Variants in ELP3 observed in about 807,000 individuals in gnomAD.
The protein encoded by ELP3 is elongator acetyltransferase complex subunit 3.
In ELP3, 56 loss-of-function variants were observed where a neutral mutation model predicts 74.9. The ratio of observed to expected loss-of-function variants is 0.75; its 90% confidence interval spans 0.60 to 0.93. The LOEUF (loss-of-function observed/expected upper bound fraction) is 0.93. ELP3 is among the 40% of genes least tolerant of loss of function. The pLI is 0.00. For missense variants in ELP3, 573 were observed against 686.5 expected, an observed-to-expected ratio of 0.83 and a Z score of 1.85; for synonymous variants, 222 against 239.8, an observed-to-expected ratio of 0.93 and a Z score of 0.68.
rs1813462823 is a variant in ELP3 at position 28,147,060 on chromosome 8, T to C, written c.1101-8882T>C. ...TCACCGTCTTGAAATTATTAATAATTTTTTTCACAAGGACTCATGTTCTCA... is the reference window on the plus strand; with the variant it reads ...TCACCGTCTTGAAATTATTAATAATCTTTTTCACAAGGACTCATGTTCTCA... On this transcript the variant is annotated intron_variant, in intron 10 of 14. Transcript: ENST00000256398. The surrounding 1 kb of genome is among the most constrained non-coding windows in gnomAD (Gnocchi z 4.5). 6.6e-6 allele frequency among the ~76,000 whole-genome samples: 1 copy of C among 152,138 alleles called. No individual in the cohort carries two copies. Among genetic ancestry groups the C allele is most frequent in the Non-Finnish European group, 1.5e-5 (1 of 68,038 alleles).
chr8:28,108,457 C>CTT lies in ELP3; in HGVS notation c.393+498_393+499dup, dbSNP rs33948469. ...TCTTCTGGAATTTACATTTTTTTTTCTTTTTTTTTTTTTTTTTTGAGATGG... is the reference window on the plus strand; with the variant it reads ...TCTTCTGGAATTTACATTTTTTTTTCTTTTTTTTTTTTTTTTTTTTGAGATGG... On this transcript the variant is annotated intron_variant, in intron 5 of 14. Coordinates refer to ENST00000256398, the MANE Select transcript of ELP3 (RefSeq NM_018091.6). 7.7e-3 allele frequency among the ~76,000 whole-genome samples: 907 copies of CTT among 117,534 alleles called. 20 individuals carry two copies. The highest frequency in any genetic ancestry group is 0.013 in the East Asian group (55 of 4,090). 77.1% of individuals were successfully genotyped at this position (117,534 alleles called of 152,430 possible). A position where few individuals can be genotyped will look rare whatever the true frequency, so the allele number is the denominator to read the frequency against.
chr8:28,183,978 A>ATGAT (rs769142366), intron 14 of ELP3, among the ~76,000 whole-genome samples: 1 of 152,140 alleles, frequency 6.6e-6, no homozygotes, highest in Non-Finnish European at 1.5e-5. Flanking sequence ...GCTCTGAAGG[A>ATGAT]TGATTGCTTT....
At chr8:28,103,602 C>T (rs1811575505) in intron 3 of ELP3, among the ~76,000 whole-genome samples, 1 of 152,222 alleles carries the variant, frequency 6.6e-6, no homozygotes, top group Non-Finnish European at 1.5e-5. Flanking sequence ...GACTATGTTT[C>T]ACTTTGTAAA....
intron 14 of ELP3, among the ~76,000 whole-genome samples, chr8:28,179,168 G>A (rs1814891310): frequency 1.3e-5 from 2 of 152,142 alleles, no homozygotes; most frequent in African/African-American, 4.8e-5. Flanking sequence ...GCAGATTTTG[G>A]TATATAAGGG....
chr8:28,175,019 T>A (rs1814685820), intron 14 of ELP3, among the ~76,000 whole-genome samples: 2 of 152,224 alleles, frequency 1.3e-5, no homozygotes, highest in African/African-American at 4.8e-5. Flanking sequence ...GTTAGTCTAA[T>A]TGAGGATTCC....
In ELP3 at chr8:28,160,324, A is replaced by T. The variant is rs758381358; in HGVS notation, c.1353A>T (p.Leu451=). The change falls in exon 13 of 15, where the codon CTA becomes CTT. Residue 451 remains leucine, a synonymous_variant. Transcript: ENST00000256398. ...DPDQDILIGL[L]RLRKCSEETF... ...ATCAAGACATTTTGATTGGCCTCCT[A>T]CGATTACGCAAGTGTTCAGAAGAAA... The T allele has an allele frequency of 9.9e-6, 16 of 1,614,050 alleles. No homozygotes were observed. The East Asian group carries it at 3.3e-4, about 34-fold the overall frequency.
chr8:28,139,916 A>G (rs7830851), intron 10 of ELP3, among the ~76,000 whole-genome samples: 82,528 of 151,976 alleles, frequency 0.54, 22,994 homozygotes, highest in East Asian at 0.89. Context: ...TTGCATTCCA[A>G]CCTGGGTGAC....
At chr8:28,138,271 TGAAA>T (rs757625080) in intron 10 of ELP3, among the ~76,000 whole-genome samples, 1 of 152,138 alleles carries the variant, frequency 6.6e-6, no homozygotes, top group Non-Finnish European at 1.5e-5. Context: ...CTAGAGCCTC[TGAAA>T]GAAAAAGTAG....
intron 6 of ELP3, chr8:28,110,911 T>G (rs1811892436): frequency 6.3e-6 from 1 of 158,292 alleles, no homozygotes; most frequent in Admixed American, 6.4e-5. Flanking sequence ...CAAAACCCCA[T>G]CTACAAAAAA....
At chr8:28,099,534 T>C (rs1218983821) in intron 2 of ELP3, among the ~76,000 whole-genome samples, 1 of 152,180 alleles carries the variant, frequency 6.6e-6, no homozygotes, top group Non-Finnish European at 1.5e-5. Flanking sequence ...GAATAGTCCT[T>C]TGAAGCTGCA....
intron 3 of ELP3, among the ~76,000 whole-genome samples, chr8:28,105,385 G>A (rs562794877): frequency 2.6e-5 from 4 of 152,266 alleles, no homozygotes; most frequent in South Asian, 2.1e-4. Flanking sequence ...GTGAGACTCC[G>A]TCTCAAAAAG....
intron 14 of ELP3, among the ~76,000 whole-genome samples, chr8:28,169,362 A>G (rs1009793466): frequency 6.6e-6 from 1 of 152,240 alleles, no homozygotes; most frequent in Non-Finnish European, 1.5e-5. Context: ...TCAGAAATTC[A>G]GCAGGGCATA....
In ELP3 at chr8:28,160,404, A is replaced by G. The variant is rs1376424755; in HGVS notation, c.1433A>G (p.Tyr478Cys). The change falls in exon 13 of 15, where the codon TAT becomes TGT. Residue 478 changes from tyrosine (Y) to cysteine (C), a missense_variant. By Grantham distance (194) the Tyr-to-Cys change is radical. Coordinates refer to ENST00000256398, the MANE Select transcript of ELP3 (RefSeq NM_018091.6). ...TCCATAGTACGAGAGCTGCATGTGT[A>G]TGGGAGTGTGGTCCCTGTGAGCAGC... ...GVSIVRELHV[Y>C]GSVVPVSSRD... 1.2e-6 allele frequency: 2 copies of G among 1,614,148 alleles called. No individual in the cohort carries two copies. The highest frequency in any genetic ancestry group is 1.7e-6 in the Non-Finnish European group (2 of 1,180,004).
At chr8:28,109,248 G>A (rs1010945561) in intron 5 of ELP3, among the ~76,000 whole-genome samples, 2 of 152,124 alleles carry the variant, frequency 1.3e-5, no homozygotes, top group Admixed American at 1.3e-4. Flanking sequence ...AAGGCAGAAG[G>A]CCAGTGAGGT....
chr8:28,103,365 G>A (rs766269919), intron 3 of ELP3, among the ~76,000 whole-genome samples: 1 of 152,100 alleles, frequency 6.6e-6, no homozygotes, highest in South Asian at 2.1e-4. Context: ...AGTCTGCCAT[G>A]TCTTTTTGTG....
upstream of ELP3, chr8:28,093,047 A>G (rs112259775): frequency 8.8e-7 from 1 of 1,131,092 alleles, no homozygotes; most frequent in African/African-American, 1.5e-5. Flanking sequence ...TAGTTGCAAC[A>G]CGGGGCGGGG....
intron 14 of ELP3, among the ~76,000 whole-genome samples, chr8:28,172,658 C>T (rs533902942): frequency 5.7e-4 from 86 of 151,976 alleles, no homozygotes; most frequent in Admixed American, 1.6e-3. Context: ...TTGCCTAATT[C>T]CTCTGGCTAG....
intron 7 of ELP3, among the ~76,000 whole-genome samples, chr8:28,125,418 A>G (rs1000254401): frequency 2.6e-5 from 4 of 152,246 alleles, no homozygotes; most frequent in African/African-American, 9.6e-5. Flanking sequence ...GACTAGACTC[A>G]GGCACATCCA....
chr8:28,166,865 T>A (rs147445150), intron 14 of ELP3, among the ~76,000 whole-genome samples: 15 of 152,360 alleles, frequency 9.8e-5, no homozygotes, highest in Middle Eastern at 3.4e-3. Flanking sequence ...TGTGACTGTT[T>A]CAGTTTGCCA....
Sources: allele counts gnomAD v4.1 joint callset (sites outside exome capture counted in the v4.1 genomes callset), GRCh38; gene constraint gnomAD v4.1.1; non-coding constraint Gnocchi (gnomAD v3.1); transcripts MANE v1.5; gene names NCBI Gene and HGNC (gene_info 2026-07-23, HGNC 2026-07-21).